BRSK1: variants seen among roughly 807,000 people sequenced by gnomAD.
BRSK1 encodes serine/threonine-protein kinase BRSK1.
In BRSK1, 17 loss-of-function variants were observed where a neutral mutation model predicts 86.2. The observed-to-expected ratio is 0.20, with a 90% CI of 0.14 to 0.30. The LOEUF (loss-of-function observed/expected upper bound fraction) is 0.30, where lower values mean the gene tolerates loss of function less well. Ranked by LOEUF, BRSK1 falls within the 10% of genes least tolerant of loss-of-function variation. BRSK1 has a pLI of 1.00. For missense variants in BRSK1, 719 were observed against 1,071.9 expected (o/e 0.67, Z 4.60); for synonymous variants, 464 against 440.1 (o/e 1.05, Z -0.68).
intron 4 of BRSK1, 149 bp downstream of exon 4, chr19:55,289,769 C>T (rs904517641): frequency 2.9e-6 from 3 of 1,045,316 alleles, no homozygotes; most frequent in Admixed American, 3.0e-5. Flanking sequence ...GAAAATTCCT[C>T]CTTTTAGAGT....
At position 55,284,354 on chromosome 19, in the gene BRSK1, G is replaced by A. The variant is rs2088276267; in HGVS notation, c.-89G>A. 2 of 915,786 alleles carry A rather than the reference G, an allele frequency of 2.2e-6. No homozygotes were observed. The highest frequency in any genetic ancestry group is 1.8e-5 in the African/African-American group (1 of 56,942). 56.7% of individuals were successfully genotyped at this position (915,786 alleles called of 1,614,324 possible). ...GGGGGGCAGCCGGGGGGGCCGGGAC[G>A]GAGCGGTCGCCGGCCCCCACCGGAG... is the stretch of plus-strand genomic sequence containing the variant. On this transcript the variant is annotated 5_prime_UTR_variant, in exon 1 of 19. Coordinates refer to ENST00000309383, the MANE Select transcript of BRSK1 (RefSeq NM_032430.2).
chr19:55,304,493 C>T lies in BRSK1; in HGVS notation c.1348-58C>T, dbSNP rs2088617323. ...GTGAGTGTGCGTGTGAGTGGGGCTC[C>T]TAGAGCCTCCTGGGAGTTGTAGTCC... On this transcript the variant is annotated intron_variant, in intron 13 of 18. Coordinates refer to ENST00000309383, the MANE Select transcript of BRSK1 (RefSeq NM_032430.2). This position sits in a 1 kb window ranked among gnomAD's most constrained non-coding sequence, Gnocchi z 5.2. 3 of 1,480,416 alleles carry T rather than the reference C, an allele frequency of 2.0e-6. No individual in the cohort carries two copies. The highest frequency in any genetic ancestry group is 2.4e-5 in the East Asian group (1 of 42,042). 91.7% of individuals were successfully genotyped at this position (1,480,416 alleles called of 1,614,324 possible).
Position 55,302,066 on chromosome 19 carries a change from A to C in BRSK1, c.826-71A>C. ...TGATCAGGGACCCCAAAACCACCCC[A>C]GTCTTTCATTGCGCGCCTACATGTG... On this transcript the variant is annotated intron_variant, in intron 8 of 18. Transcript: ENST00000309383. This position sits in a 1 kb window ranked among gnomAD's most constrained non-coding sequence, Gnocchi z 6.3. The C allele has an allele frequency of 6.4e-7, 1 of 1,566,542 alleles. No homozygotes were observed. Among genetic ancestry groups the C allele is most frequent in the Non-Finnish European group, 8.8e-7 (1 of 1,136,816 alleles).
In BRSK1 at chr19:55,304,811, AC is replaced by A; in HGVS notation, c.1614del (p.Ser539AlafsTer44). 4 of 1,570,554 alleles carry A rather than the reference AC, an allele frequency of 2.5e-6. No homozygotes were observed. Among genetic ancestry groups the A allele is most frequent in the Non-Finnish European group, 8.6e-7 (1 of 1,163,262 alleles). ...SPTGTPGTTP[P>X]PSPGGGVGGA... ...CCACCGGGACCCCGGGGACAACACC[AC>A]CCCCCAGCCCCGGCGGTGGCGTCGG... On this transcript the variant is annotated frameshift_variant, in exon 14 of 19. Coordinates refer to ENST00000309383, the MANE Select transcript of BRSK1 (RefSeq NM_032430.2). LOFTEE classifies it high-confidence loss of function. The surrounding 1 kb of genome is among the most constrained non-coding windows in gnomAD (Gnocchi z 5.2).
chr19:55,304,037 A>G lies in BRSK1; in HGVS notation c.1287-13A>G, dbSNP rs772565384. 1.2e-5 allele frequency: 19 copies of G among 1,597,202 alleles called. No homozygotes were observed. Among genetic ancestry groups the G allele is most frequent in the East Asian group, 2.2e-5 (1 of 44,748 alleles). ...CATCTGATTTTTTTTTTTTAAATCT[A>G]TCCTGGAAACAGATCCCGTAGCGTC... On this transcript the variant is annotated splice_polypyrimidine_tract_variant and intron_variant, in intron 12 of 18. Coordinates refer to ENST00000309383, the MANE Select transcript of BRSK1 (RefSeq NM_032430.2). This position sits in a 1 kb window ranked among gnomAD's most constrained non-coding sequence, Gnocchi z 5.2.
intron 4 of BRSK1, 116 bp downstream of exon 4, chr19:55,289,736 A>G: frequency 1.5e-6 from 2 of 1,331,362 alleles, no homozygotes; most frequent in Non-Finnish European, 2.0e-6. Flanking sequence ...CCTTTATCCC[A>G]TTGAGACATA....
chr19:55,287,197 C>A lies in BRSK1; in HGVS notation c.232-17C>A, dbSNP rs11878562. ...GCTGACCTCTTTTCCCGTGTCCCCA[C>A]CCCTCTTGACCCTCAGGTGGAGCGG... On this transcript the variant is annotated splice_polypyrimidine_tract_variant and intron_variant, in intron 2 of 18. Transcript: ENST00000309383. The surrounding 1 kb of genome is among the most constrained non-coding windows in gnomAD (Gnocchi z 5.3). 1 of 1,613,578 alleles carries A rather than the reference C, an allele frequency of 6.2e-7. No homozygotes were observed. The highest frequency in any genetic ancestry group is 1.3e-5 in the African/African-American group (1 of 74,902).
intron 17 of BRSK1, among the ~76,000 whole-genome samples, chr19:55,308,395 T>G (rs1457286362): frequency 2.0e-5 from 3 of 152,088 alleles, no homozygotes; most frequent in African/African-American, 4.8e-5. Context: ...CAATAGTATC[T>G]ATTTGAATAG....
Position 55,303,368 on chromosome 19 carries a change from C to G in BRSK1, c.1086C>G (p.Pro362=). 1 of 1,613,980 alleles carries G rather than the reference C, an allele frequency of 6.2e-7. No homozygotes were observed. Among genetic ancestry groups the G allele is most frequent in the East Asian group, 2.2e-5 (1 of 44,868 alleles). The change falls in exon 11 of 19, where the codon CCC becomes CCG. Residue 362 remains proline (P), a synonymous_variant. Coordinates refer to ENST00000309383, the MANE Select transcript of BRSK1 (RefSeq NM_032430.2). This position sits in a 1 kb window ranked among gnomAD's most constrained non-coding sequence, Gnocchi z 5.1. ...YLLLDRKERY[P]SCEDQDLPPR... is the part of the protein sequence containing the mutation. Reference sequence around the variant, plus strand: ...TTTTGGATCGGAAGGAGCGGTATCCCAGCTGTGAGGACCAGGACCTGCCTC... The same window carrying G: ...TTTTGGATCGGAAGGAGCGGTATCCGAGCTGTGAGGACCAGGACCTGCCTC...
chr19:55,306,578 T>G lies in BRSK1; in HGVS notation c.2089+128T>G. ...GTGTTCAGCTGGTGCCGACTCTCTG[T>G]GCTCCTCCTGCCCACACAGACCGCC... On this transcript the variant is annotated intron_variant, in intron 17 of 18. Coordinates refer to ENST00000309383, the MANE Select transcript of BRSK1 (RefSeq NM_032430.2). The surrounding 1 kb of genome is among the most constrained non-coding windows in gnomAD (Gnocchi z 4.7). 1 of 1,068,578 alleles carries G rather than the reference T, an allele frequency of 9.4e-7. No individual in the cohort carries two copies. Among genetic ancestry groups the G allele is most frequent in the Non-Finnish European group, 1.4e-6 (1 of 734,772 alleles). 66.2% of individuals were successfully genotyped at this position (1,068,578 alleles called of 1,614,324 possible).
intron 16 of BRSK1, among the ~76,000 whole-genome samples, chr19:55,305,853 C>T (rs571065600): frequency 2.0e-5 from 3 of 152,172 alleles, no homozygotes; most frequent in East Asian, 1.9e-4. Context: ...TGAAACTAGC[C>T]GAAGAAACTT....
At chr19:55,284,697 G>A (rs1600166246) in intron 1 of BRSK1, 119 bp downstream of exon 1, 2 of 899,888 alleles carry the variant, frequency 2.2e-6, no homozygotes, top group Non-Finnish European at 3.0e-6. Context: ...GCCCCTCATA[G>A]AGAAGGGACT....
chr19:55,294,462 T>G lies in BRSK1; in HGVS notation c.678+65T>G. 6.5e-7 allele frequency: 1 copy of G among 1,535,744 alleles called. No individual in the cohort carries two copies. On this transcript the variant is annotated intron_variant, in intron 7 of 18. Transcript: ENST00000309383. The surrounding 1 kb of genome is among the most constrained non-coding windows in gnomAD (Gnocchi z 4.9). ...CCCACCTGGTGGGAGCATAGGACAG[T>G]ACCTTCCATCCTCAGGTCATCTCCT...
chr19:55,301,792 G>A, intron 8 of BRSK1, 134 bp downstream of exon 8: 4 of 1,137,446 alleles, frequency 3.5e-6, no homozygotes, highest in South Asian at 1.5e-5. Flanking sequence ...CAGCTGAGCC[G>A]CAGCCCAAGG....
chr19:55,305,245 G>T (rs2088631818), intron 14 of BRSK1, 76 bp from the exon 15 acceptor site: 1 of 1,564,174 alleles, frequency 6.4e-7, no homozygotes, highest in Admixed American at 1.8e-5. Context: ...CTGGGAGGGG[G>T]CGAGTGCAGG....
intron 14 of BRSK1, 74 bp from the exon 15 acceptor site, chr19:55,305,247 G>A: frequency 1.9e-6 from 3 of 1,570,774 alleles, no homozygotes; most frequent in South Asian, 2.3e-5. Context: ...GGGAGGGGGC[G>A]AGTGCAGGCC....
At chr19:55,308,024 GTTTT>G (rs563131841) in intron 17 of BRSK1, among the ~76,000 whole-genome samples, 1 of 139,506 alleles carries the variant, frequency 7.2e-6, no homozygotes, top group Non-Finnish European at 1.6e-5. Context: ...TTGTTGTTTG[GTTTT>G]TTTTTTTTTT....
chr19:55,305,043 C>A, intron 14 of BRSK1, 123 bp downstream of exon 14: 1 of 1,430,408 alleles, frequency 7.0e-7, no homozygotes, highest in South Asian at 1.3e-5. Context: ...TTCCCACGTT[C>A]TAGAGAAGAG....
chr19:55,295,143 G>A (rs934908741), intron 7 of BRSK1, among the ~76,000 whole-genome samples: 2 of 148,324 alleles, frequency 1.3e-5, no homozygotes, highest in Non-Finnish European at 3.0e-5. Context: ...TATTTTTTGA[G>A]AGAGGATCTC....
Sources: gnomAD v4.1 joint callset for allele counts (sites outside exome capture counted in the v4.1 genomes callset) on GRCh38, gnomAD v4.1.1 for gene constraint, Gnocchi (gnomAD v3.1) non-coding constraint, MANE v1.5 for transcripts, NCBI Gene and HGNC (gene_info 2026-07-23, HGNC 2026-07-21) for gene names.